Variants in KCNH8 observed in about 807,000 individuals in gnomAD.
KCNH8 encodes potassium voltage-gated channel subfamily H member 8, also known as voltage-gated delayed rectifier potassium channel KCNH8.
Under a neutral mutation model 103.6 loss-of-function variants are expected in KCNH8, and 70 were observed. That is an observed-to-expected ratio of 0.68 (90% CI 0.56 to 0.82). The LOEUF is 0.82. Ranked by LOEUF, KCNH8 falls within the 40% of genes least tolerant of loss-of-function variation. KCNH8 has a pLI of 0.00. For synonymous variants in KCNH8, 498 were observed against 489.4 expected (o/e 1.02, Z -0.23); for missense variants, 1,217 against 1,329.9 (o/e 0.92, Z 1.32).
chr3:19,376,454 G>A lies in KCNH8; in HGVS notation c.812-14027G>A, dbSNP rs143784905. On this transcript the variant is annotated intron_variant, in intron 5 of 15. Transcript: ENST00000328405. ...GTGAGGCAATGCCTCTCCCTGCTTC[G>A]GCTCATGCACGGTGCGCGCACCCAC... Among the ~76,000 whole-genome samples the A allele has an allele frequency of 4.8e-3, 737 of 152,184 alleles. 4 individuals are homozygous for A. Among genetic ancestry groups the A allele is most frequent in the African/African-American group, 0.016 (674 of 41,536 alleles).
At chr3:19,225,371 C>T (rs1410909427) in intron 1 of KCNH8, among the ~76,000 whole-genome samples, 1 of 151,996 alleles carries the variant, frequency 6.6e-6, no homozygotes, top group Non-Finnish European at 1.5e-5. Context: ...CTTAGAGGGA[C>T]CAAAAACCCA....
At position 19,368,850 on chromosome 3, in the gene KCNH8, A is replaced by G. The variant is rs115983750; in HGVS notation, c.811+20885A>G. On this transcript the variant is annotated intron_variant, in intron 5 of 15. Transcript: ENST00000328405. ...CAAGAAAAATGTGAGATGCTGTCTA[A>G]TTTTAAAAATTTATTTTACTTTATA... Among the ~76,000 whole-genome samples, 1,084 of 152,112 alleles carry G rather than the reference A, an allele frequency of 7.1e-3. 9 individuals are homozygous for G. Among genetic ancestry groups the G allele is most frequent in the African/African-American group, 0.024 (990 of 41,532 alleles).
chr3:19,310,358 G>A (rs1171133938), intron 3 of KCNH8, among the ~76,000 whole-genome samples: 1 of 151,660 alleles, frequency 6.6e-6, no homozygotes, highest in East Asian at 1.9e-4. Flanking sequence ...TTAATATATA[G>A]CAACTTACAA....
intron 5 of KCNH8, among the ~76,000 whole-genome samples, chr3:19,358,078 C>T (rs1471228173): frequency 6.6e-6 from 1 of 151,860 alleles, no homozygotes; most frequent in Non-Finnish European, 1.5e-5. Context: ...TCAGATTTCT[C>T]AGCAACAGTA....
chr3:19,351,871 A>C (rs539016393), intron 5 of KCNH8, among the ~76,000 whole-genome samples: 64 of 152,286 alleles, frequency 4.2e-4, no homozygotes, highest in African/African-American at 1.5e-3. Context: ...GACAGGATCA[A>C]ATTCACACAT....
rs113809907 is a variant in KCNH8 at position 19,318,640 on chromosome 3, AGT to A, written c.443-23926_443-23925del. 2.2e-3 allele frequency among the ~76,000 whole-genome samples: 287 copies of A among 131,268 alleles called. 1 individual carries two copies. The highest frequency in any genetic ancestry group is 5.2e-3 in the East Asian group (24 of 4,630). The allele number at this position is 131,268 out of a possible 152,430, so 86.1% of individuals were successfully genotyped here. On this transcript the variant is annotated intron_variant, in intron 3 of 15. Coordinates refer to ENST00000328405, the MANE Select transcript of KCNH8 (RefSeq NM_144633.3). ...TATGGCTGAGTAGTATTACATGGTA[AGT>A]GTGTGTGTGTGTGTGTGTGTACACA...
chr3:19,230,156 G>T (rs1299568101), intron 1 of KCNH8, among the ~76,000 whole-genome samples: 1 of 152,116 alleles, frequency 6.6e-6, no homozygotes, highest in Admixed American at 6.5e-5. Context: ...GGGGAAACTG[G>T]CCCCATGATT....
chr3:19,400,322 C>G (rs1374661031), intron 7 of KCNH8, among the ~76,000 whole-genome samples: 1 of 149,006 alleles, frequency 6.7e-6, no homozygotes, highest in Non-Finnish European at 1.5e-5. Flanking sequence ...ATCTTGCTCA[C>G]TGTAACAAAT....
At chr3:19,243,728 A>G (rs2064170949) in intron 1 of KCNH8, among the ~76,000 whole-genome samples, 2 of 152,204 alleles carry the variant, frequency 1.3e-5, no homozygotes, top group Admixed American at 6.5e-5. Flanking sequence ...AAAACGACTA[A>G]AACATGACTG....
intron 11 of KCNH8, among the ~76,000 whole-genome samples, chr3:19,499,379 C>T (rs1319420132): frequency 6.6e-6 from 1 of 152,086 alleles, no homozygotes; most frequent in Non-Finnish European, 1.5e-5. Context: ...GGATATTATC[C>T]AGGAGAACTT....
intron 5 of KCNH8, among the ~76,000 whole-genome samples, chr3:19,359,483 T>A (rs74357620): frequency 1.3e-5 from 2 of 151,944 alleles, no homozygotes; most frequent in African/African-American, 4.8e-5. Context: ...TATAGGAGAT[T>A]TGAAAAACGT....
intron 2 of KCNH8, among the ~76,000 whole-genome samples, chr3:19,269,565 A>G (rs567409023): frequency 3.9e-5 from 6 of 152,224 alleles, no homozygotes; most frequent in South Asian, 2.1e-4. Flanking sequence ...TTTCATGCAT[A>G]TAAGAGACAG....
intron 4 of KCNH8, among the ~76,000 whole-genome samples, chr3:19,345,866 A>C (rs2065722293): frequency 6.6e-6 from 1 of 152,078 alleles, no homozygotes; most frequent in African/African-American, 2.4e-5. Context: ...ACAAAATGAA[A>C]CCATGAGATT....
chr3:19,357,430 G>T (rs2065893973), intron 5 of KCNH8, among the ~76,000 whole-genome samples: 1 of 151,580 alleles, frequency 6.6e-6, no homozygotes, highest in South Asian at 2.1e-4. Context: ...CCTATTATTG[G>T]AGCCACTGTT....
At position 19,280,196 on chromosome 3, in the gene KCNH8, G is replaced by T. The variant is rs371740235; in HGVS notation, c.311-1002G>T. Among the ~76,000 whole-genome samples, 17 of 151,926 alleles carry T rather than the reference G, an allele frequency of 1.1e-4. 2 individuals are homozygous for T. Among genetic ancestry groups the T allele is most frequent in the Admixed American group, 5.3e-4 (8 of 15,238 alleles). ...TATAAGCTTTAGGCAGTACCATTTG[G>T]CTACTATATTTTGAATTTGAATCTT... On this transcript the variant is annotated intron_variant, in intron 2 of 15. Coordinates refer to ENST00000328405, the MANE Select transcript of KCNH8 (RefSeq NM_144633.3).
chr3:19,448,993 T>C (rs956071998), intron 8 of KCNH8: 3 of 1,284,646 alleles, frequency 2.3e-6, no homozygotes, highest in Non-Finnish European at 3.0e-6. Context: ...CCATTTCGGT[T>C]TCATTCTGCT....
intron 4 of KCNH8, 112 bp from the exon 5 acceptor site, chr3:19,347,613 A>G (rs2065745556): frequency 7.9e-7 from 1 of 1,265,952 alleles, no homozygotes. Context: ...CTTGTAAGAT[A>G]CTGCTTTGTG....
At chr3:19,476,362 C>T (rs1012709758) in intron 11 of KCNH8, among the ~76,000 whole-genome samples, 5 of 152,156 alleles carry the variant, frequency 3.3e-5, no homozygotes, top group African/African-American at 7.2e-5. Flanking sequence ...TAAAGTGCCA[C>T]AGGGAGTTGT....
chr3:19,209,512 G>C (rs2063748861), intron 1 of KCNH8, among the ~76,000 whole-genome samples: 1 of 152,000 alleles, frequency 6.6e-6, no homozygotes, highest in Non-Finnish European at 1.5e-5. Flanking sequence ...GATTTTCGTA[G>C]GGTTTCTAAC....
Sources: allele counts gnomAD v4.1 joint callset (sites outside exome capture counted in the v4.1 genomes callset), GRCh38; gene constraint gnomAD v4.1.1; transcripts MANE v1.5; gene names NCBI Gene and HGNC (gene_info 2026-07-23, HGNC 2026-07-21).